Variants in LZTFL1 observed in about 807,000 individuals in gnomAD.
The protein encoded by LZTFL1 is leucine zipper transcription factor like 1.
A neutral mutation model predicts 45.9 loss-of-function variants in LZTFL1; 25 were observed. That is an observed-to-expected ratio of 0.54 (90% CI 0.40 to 0.76). LZTFL1 has a LOEUF of 0.76. LZTFL1 is among the 30% of genes least tolerant of loss of function. The pLI is 0.00. For synonymous variants in LZTFL1, 93 were observed against 117.4 expected, an observed-to-expected ratio of 0.79 and a Z score of 1.35; for missense variants, 277 against 331.1, an observed-to-expected ratio of 0.84 and a Z score of 1.27.
At chr3:45,887,695 C>A (rs1457510238) in intron 2 of LZTFL1, among the ~76,000 whole-genome samples, 1 of 152,322 alleles carries the variant, frequency 6.6e-6, no homozygotes, top group East Asian at 1.9e-4. Flanking sequence ...CCTTTTCTTC[C>A]AATATCTGCT....
intron 3 of LZTFL1, among the ~76,000 whole-genome samples, chr3:45,857,224 T>C (rs1701407614): frequency 6.6e-6 from 1 of 152,192 alleles, no homozygotes; most frequent in Non-Finnish European, 1.5e-5. Context: ...TTTGCAGGGA[T>C]ATGGATGGAG....
chr3:45,847,554 TA>T (rs1701237546), intron 4 of LZTFL1, among the ~76,000 whole-genome samples: 2 of 152,276 alleles, frequency 1.3e-5, no homozygotes, highest in South Asian at 4.1e-4. Context: ...TTGTCCAATA[TA>T]AAAAGAAAAC....
intron 7 of LZTFL1, among the ~76,000 whole-genome samples, chr3:45,830,603 A>G (rs1253376669): frequency 1.3e-5 from 2 of 152,224 alleles, no homozygotes; most frequent in Non-Finnish European, 2.9e-5. Flanking sequence ...AAAAGTGAGA[A>G]TATCTTGCAT....
At chr3:45,873,118 T>C (rs1319228484) in intron 2 of LZTFL1, among the ~76,000 whole-genome samples, 1 of 152,256 alleles carries the variant, frequency 6.6e-6, no homozygotes, top group Admixed American at 6.5e-5. Flanking sequence ...TTCCTTGTTC[T>C]AATTTCCCCA....
chr3:45,874,650 C>G (rs60072126), intron 2 of LZTFL1, among the ~76,000 whole-genome samples: 4,203 of 152,244 alleles, frequency 0.028, 209 homozygotes, highest in African/African-American at 0.096. Flanking sequence ...TTAATAGTCT[C>G]CCTGTATCCA....
At chr3:45,902,679 A>ACAGCTGGGTTCGCAGGAGCC (rs1316011130) in intron 2 of LZTFL1, 1 of 167,098 alleles carries the variant, frequency 6.0e-6, no homozygotes, top group Non-Finnish European at 1.5e-5. Context: ...GGAGATTATA[A>ACAGCTGGGTTCGCAGGAGCC]CAGCTGGGTT....
chr3:45,910,894 A>C (rs148327675), intron 2 of LZTFL1, among the ~76,000 whole-genome samples: 9 of 152,318 alleles, frequency 5.9e-5, no homozygotes, highest in African/African-American at 1.9e-4. Context: ...GGGGTCTCTC[A>C]TGTGGCTGCA....
intron 2 of LZTFL1, among the ~76,000 whole-genome samples, chr3:45,890,610 C>T (rs984846816): frequency 6.6e-6 from 1 of 151,498 alleles, no homozygotes. Flanking sequence ...TCATGCCAAG[C>T]AGGAAGCAAT....
chr3:45,910,461 G>C (rs1355411169), intron 2 of LZTFL1, among the ~76,000 whole-genome samples: 1 of 152,222 alleles, frequency 6.6e-6, no homozygotes, highest in East Asian at 1.9e-4. Flanking sequence ...ATGCTACCCG[G>C]AAGATGGTAG....
At chr3:45,892,180 C>CATACAT (rs1294848358) in intron 2 of LZTFL1, among the ~76,000 whole-genome samples, 1 of 152,136 alleles carries the variant, frequency 6.6e-6, no homozygotes, top group East Asian at 1.9e-4. Flanking sequence ...GTGAAACACA[C>CATACAT]ATACATATAC....
intron 2 of LZTFL1, among the ~76,000 whole-genome samples, chr3:45,873,223 G>A (rs1004147772): frequency 1.3e-5 from 2 of 152,228 alleles, no homozygotes; most frequent in Non-Finnish European, 2.9e-5. Flanking sequence ...AGTTGATTCA[G>A]TGGGCCTAGG....
chr3:45,871,039 T>G (rs1032387589), intron 2 of LZTFL1, among the ~76,000 whole-genome samples: 1 of 152,204 alleles, frequency 6.6e-6, no homozygotes, highest in East Asian at 1.9e-4. Flanking sequence ...AGATCCACAT[T>G]AAATCTTTTA....
chr3:45,897,488 C>T (rs776913213), intron 2 of LZTFL1: 79 of 911,256 alleles, frequency 8.7e-5, no homozygotes, highest in Non-Finnish European at 1.3e-4. Flanking sequence ...TGCCTGCTCA[C>T]CGGGCAGTGG....
intron 2 of LZTFL1, among the ~76,000 whole-genome samples, chr3:45,907,435 TGTC>T (rs1286615217): frequency 6.6e-6 from 1 of 152,232 alleles, no homozygotes; most frequent in Non-Finnish European, 1.5e-5. Context: ...TCAAGGAACC[TGTC>T]TCTTCCTGCA....
intron 2 of LZTFL1, chr3:45,894,821 A>G: frequency 1.1e-6 from 1 of 940,014 alleles, no homozygotes; most frequent in Non-Finnish European, 1.8e-6. Context: ...AGCAGATTTA[A>G]AATTTAATCT....
In LZTFL1 at chr3:45,824,835, A is replaced by G; in HGVS notation, c.*1479T>C. 1 of 398,380 alleles carries G rather than the reference A, an allele frequency of 2.5e-6. No homozygotes were observed. Among genetic ancestry groups the G allele is most frequent in the Non-Finnish European group, 4.4e-6 (1 of 225,938 alleles). The allele number at this position is 398,380 out of a possible 1,614,324, so 24.7% of individuals were successfully genotyped here. ...GGGTGAGAATGAAGCCCTCAACAAA[A>G]GCTCCAAAAGGGCACAGAAACTGGT... is the stretch of plus-strand genomic sequence containing the variant. On this transcript the variant is annotated 3_prime_UTR_variant, in exon 10 of 10. Coordinates refer to ENST00000296135, the MANE Select transcript of LZTFL1 (RefSeq NM_020347.4).
rs140824475 is a variant in LZTFL1, at chr3:45,899,123, G to T, written c.-215+13997C>A. Among the ~76,000 whole-genome samples, 40 of 152,316 alleles carry T rather than the reference G, an allele frequency of 2.6e-4. 1 individual carries two copies. In the East Asian group the frequency reaches 7.5e-3, roughly 29 times the overall value. On this transcript the variant is annotated intron_variant, in intron 2 of 4. Transcript: ENST00000472635. ...GGAGGTTGCAGTGAGCCGAGATGGCGCCATTGCACTCCAGCCTGGGAAGCA... is the reference window on the plus strand; with the variant it reads ...GGAGGTTGCAGTGAGCCGAGATGGCTCCATTGCACTCCAGCCTGGGAAGCA...
intron 5 of LZTFL1, 53 bp from the exon 6 acceptor site, chr3:45,831,191 G>A: frequency 1.1e-6 from 1 of 940,168 alleles, no homozygotes; most frequent in Non-Finnish European, 1.6e-6. Flanking sequence ...TTTAATATTT[G>A]AAATTATTAC....
chr3:45,841,730 C>A (rs1701120848), intron 1 of LZTFL1: 1 of 583,002 alleles, frequency 1.7e-6, no homozygotes. Context: ...CTCCAGCCCC[C>A]GCAGGCAGGA....
Sources: allele counts gnomAD v4.1 joint callset (sites outside exome capture counted in the v4.1 genomes callset), GRCh38; gene constraint gnomAD v4.1.1; transcripts MANE v1.5; gene names NCBI Gene and HGNC (gene_info 2026-07-23, HGNC 2026-07-21).